The following ADGRV1 variants were observed in gnomAD, a reference collection of about 807,000 sequenced individuals.
ADGRV1 encodes G-protein coupled receptor 98.
Under a neutral mutation model 596.2 loss-of-function variants are expected in ADGRV1, and 359 were observed. That is an observed-to-expected ratio of 0.60 (90% confidence interval 0.55 to 0.66). The LOEUF is 0.66. ADGRV1 is among the 30% of genes least tolerant of loss of function. The pLI, the probability that ADGRV1 is intolerant of heterozygous loss-of-function variation, is 0.00. For synonymous variants in ADGRV1, 2,681 were observed against 2,679.2 expected, an observed-to-expected ratio of 1.00 and a Z score of -0.02; for missense variants, 7,274 against 7,575.6, an observed-to-expected ratio of 0.96 and a Z score of 1.48.
At position 90,684,042 on chromosome 5, in the gene ADGRV1, A is replaced by G. The variant is rs768514075; in HGVS notation, c.6121A>G (p.Ile2041Val). The change falls in exon 28 of 90, where the codon ATA becomes GTA. Residue 2041 changes from isoleucine to valine, a missense_variant. Ile to Val is a conservative substitution (Grantham distance 29). Around this residue, in one of 5 missense-constraint regions of ADGRV1, gnomAD observed 3,643 missense variants for 3,809.2 expected, o/e 0.96. Transcript: ENST00000405460. ...GAGAGCAACTCAAGGAAGAGACTAT[A>G]TACCAGCTTCTGGATTTGCTCTTTT... ...LARATQGRDY[I>V]PASGFALFGA... 2 of 1,613,986 alleles carry G rather than the reference A, an allele frequency of 1.2e-6. No individual in the cohort carries two copies. The highest frequency in any genetic ancestry group is 2.2e-5 in the South Asian group (2 of 91,080).
At chr5:90,916,631 A>ATGT (rs574983785) in intron 83 of ADGRV1, among the ~76,000 whole-genome samples, 1 of 124,688 alleles carries the variant, frequency 8.0e-6, no homozygotes, top group Non-Finnish European at 1.6e-5. Flanking sequence ...GCGTTCACAA[A>ATGT]TTTTTTTTTT....
chr5:90,562,562 G>A (rs916889159), intron 1 of ADGRV1, among the ~76,000 whole-genome samples: 7 of 152,134 alleles, frequency 4.6e-5, no homozygotes, highest in East Asian at 1.9e-4. Flanking sequence ...GTCCCTCCCC[G>A]AGCTGCTGGG....
intron 87 of ADGRV1, among the ~76,000 whole-genome samples, chr5:91,112,332 GT>G (rs367786515): frequency 2.6e-5 from 4 of 151,904 alleles, no homozygotes; most frequent in African/African-American, 2.4e-5. Flanking sequence ...AATCTTTTAG[GT>G]TTTTTTCCTG....
rs755195643 is a variant in ADGRV1 at position 90,776,529 on chromosome 5, C to A, written c.12480C>A (p.Ile4160=). The A allele has an allele frequency of 6.2e-7, 1 of 1,613,262 alleles. No individual in the cohort carries two copies. The highest frequency in any genetic ancestry group is 8.5e-7 in the Non-Finnish European group (1 of 1,179,448). The stretch of plus-strand genomic sequence containing the variant: ...GGATAGCTCCGTCATCTAGGCACAT[C>A]CTCATTGGGGAACCCTCAGCAAAAT... The part of the protein sequence containing the change: ...EVGIAPSSRH[I]LIGEPSAKYN... The change falls in exon 61 of 90, where the codon ATC becomes ATA. Residue 4160 remains isoleucine, a synonymous_variant. Coordinates refer to ENST00000405460, the MANE Select transcript of ADGRV1 (RefSeq NM_032119.4).
intron 83 of ADGRV1, among the ~76,000 whole-genome samples, chr5:90,913,725 G>A (rs1275935963): frequency 1.3e-5 from 2 of 152,102 alleles, no homozygotes; most frequent in African/African-American, 4.8e-5. Context: ...TAATCACAAA[G>A]TATGAAGTTT....
chr5:91,115,136 A>T (rs1387226805), intron 87 of ADGRV1, among the ~76,000 whole-genome samples: 1 of 151,872 alleles, frequency 6.6e-6, no homozygotes, highest in Non-Finnish European at 1.5e-5. Flanking sequence ...TCATTTTGTT[A>T]TTGTTCTTGT....
intron 82 of ADGRV1, among the ~76,000 whole-genome samples, chr5:90,860,230 A>G (rs960170782): frequency 2.8e-4 from 43 of 152,170 alleles, no homozygotes; most frequent in Non-Finnish European, 4.0e-4. Context: ...CCACTCTAGA[A>G]TAACTCCTTT....
Position 90,810,440 on chromosome 5 carries a change from T to C in ADGRV1, c.15180T>C (p.Asn5060=). Reference sequence around the variant, plus strand: ...TGGAAGATTTTGAGCCTGTTCAGAATGGGGAACTGTTTTTTCAAAAATTCC... The same window carrying C: ...TGGAAGATTTTGAGCCTGTTCAGAACGGGGAACTGTTTTTTCAAAAATTCC... ...KPLEDFEPVQ[N]GELFFQKFQT... is the part of the protein sequence containing the mutation. Residue 5060 remains asparagine, a synonymous_variant, in exon 74 of 90, where the codon AAT becomes AAC. Coordinates refer to ENST00000405460, the MANE Select transcript of ADGRV1 (RefSeq NM_032119.4). The C allele has an allele frequency of 1.2e-6, 2 of 1,613,906 alleles. No individual in the cohort carries two copies. The highest frequency in any genetic ancestry group is 4.5e-5 in the East Asian group (2 of 44,880).
At chr5:90,650,992 A>G (rs181710175) in intron 17 of ADGRV1, among the ~76,000 whole-genome samples, 124 of 152,274 alleles carry the variant, frequency 8.1e-4, no homozygotes, top group Admixed American at 2.7e-3. Flanking sequence ...AAGAGACCCA[A>G]TGTGTAGGCA....
At chr5:90,977,389 T>G (rs1779705249) in intron 84 of ADGRV1, among the ~76,000 whole-genome samples, 3 of 152,206 alleles carry the variant, frequency 2.0e-5, no homozygotes, top group Admixed American at 2.0e-4. Flanking sequence ...GTTGCTATAG[T>G]CAGTTTGAGG....
chr5:91,044,611 G>A (rs1785635957), intron 85 of ADGRV1, among the ~76,000 whole-genome samples: 2 of 152,116 alleles, frequency 1.3e-5, no homozygotes, highest in African/African-American at 4.8e-5. Context: ...AATGGAGAAT[G>A]TCAGTAAAAT....
At chr5:90,895,429 AAC>A (rs2150602379) in intron 83 of ADGRV1, among the ~76,000 whole-genome samples, 1 of 152,286 alleles carries the variant, frequency 6.6e-6, no homozygotes, top group South Asian at 2.1e-4. Context: ...CTAAGACAAT[AAC>A]AGTCTTGACA....
intron 21 of ADGRV1, among the ~76,000 whole-genome samples, chr5:90,667,891 T>C (rs1446435664): frequency 6.6e-6 from 1 of 152,056 alleles, no homozygotes; most frequent in Non-Finnish European, 1.5e-5. Flanking sequence ...AGTGTGCCCC[T>C]GTTGGGGGGT....
chr5:90,775,441 A>G (rs1348177440), intron 60 of ADGRV1, among the ~76,000 whole-genome samples: 1 of 152,190 alleles, frequency 6.6e-6, no homozygotes, highest in Non-Finnish European at 1.5e-5. Context: ...TAAACATAGA[A>G]GAATATATGA....
intron 59 of ADGRV1, among the ~76,000 whole-genome samples, chr5:90,769,908 C>CCT (rs1757513893): frequency 6.6e-6 from 1 of 152,056 alleles, no homozygotes; most frequent in Non-Finnish European, 1.5e-5. Flanking sequence ...GAATTGGAAA[C>CCT]TCAGAATTGA....
At chr5:90,565,162 G>C (rs771275113) in intron 1 of ADGRV1, among the ~76,000 whole-genome samples, 10 of 152,132 alleles carry the variant, frequency 6.6e-5, no homozygotes, top group African/African-American at 1.7e-4. Context: ...GTTTGAACGC[G>C]GGAGACAGAG....
chr5:90,852,054 G>A (rs1766582155), intron 79 of ADGRV1, among the ~76,000 whole-genome samples: 1 of 152,132 alleles, frequency 6.6e-6, no homozygotes, highest in African/African-American at 2.4e-5. Context: ...ATGAGATTTT[G>A]ACAAGCTATG....
chr5:90,784,116 G>A (rs2150106985), intron 67 of ADGRV1, 59 bp downstream of exon 67: 2 of 1,098,910 alleles, frequency 1.8e-6, no homozygotes, highest in Non-Finnish European at 1.3e-6. Flanking sequence ...GTATGGTAGT[G>A]TGTTTTCTCA....
intron 1 of ADGRV1, among the ~76,000 whole-genome samples, chr5:90,603,038 T>C (rs895548746): frequency 3.3e-5 from 5 of 152,200 alleles, no homozygotes; most frequent in African/African-American, 4.8e-5. Flanking sequence ...AATACAAACT[T>C]TTTTTTCTAA....
Sources: gnomAD v4.1 joint callset for allele counts (sites outside exome capture counted in the v4.1 genomes callset) on GRCh38, gnomAD v4.1.1 for gene constraint, gnomAD v4.1.1 regional missense constraint, MANE v1.5 for transcripts, NCBI Gene and HGNC (gene_info 2026-07-23, HGNC 2026-07-21) for gene names.